LRP1B: variants seen among roughly 807,000 people sequenced by gnomAD.
The protein encoded by LRP1B is low-density lipoprotein receptor-related protein 1B.
A neutral mutation model predicts 556.6 loss-of-function variants in LRP1B; 217 were observed. The observed-to-expected ratio is 0.39, with a 90% CI of 0.35 to 0.44. LRP1B has a LOEUF of 0.44. LRP1B is among the 20% of genes least tolerant of loss of function. LRP1B has a pLI of 1.00. For synonymous variants in LRP1B, 2,047 were observed against 1,865.8 expected, an observed-to-expected ratio of 1.10 and a Z score of -2.50; for missense variants, 5,053 against 5,620.8, an observed-to-expected ratio of 0.90 and a Z score of 3.23.
At chr2:141,281,410 C>T (rs1685504044) in intron 3 of LRP1B, among the ~76,000 whole-genome samples, 1 of 151,896 alleles carries the variant, frequency 6.6e-6, no homozygotes, top group South Asian at 2.1e-4. Flanking sequence ...GTAAGAGTTA[C>T]AAGAGAGACA....
At chr2:141,296,046 T>G (rs1686173306) in intron 3 of LRP1B, among the ~76,000 whole-genome samples, 1 of 152,130 alleles carries the variant, frequency 6.6e-6, no homozygotes, top group South Asian at 2.1e-4. Flanking sequence ...AAAACAAGTA[T>G]AAGGTAGTAA....
intron 79 of LRP1B, among the ~76,000 whole-genome samples, chr2:140,331,686 C>CATATATATAT (rs10571873): frequency 5.2e-4 from 75 of 143,066 alleles, no homozygotes; most frequent in Middle Eastern, 3.6e-3. Context: ...TATATATATA[C>CATATATATAT]ATATATATAT....
intron 41 of LRP1B, chr2:140,683,786 T>C: frequency 1.0e-6 from 1 of 964,228 alleles, no homozygotes; most frequent in Non-Finnish European, 1.6e-6. Flanking sequence ...TGGTCAGCTG[T>C]AGCAAAGCCA....
At chr2:140,584,022 T>G in intron 43 of LRP1B, among the ~76,000 whole-genome samples, 1 of 152,126 alleles carries the variant, frequency 6.6e-6, no homozygotes, top group Admixed American at 6.5e-5. Context: ...GTTTAAATAA[T>G]ATTTAAATGG....
At chr2:141,736,841 C>T (rs569995751) in intron 2 of LRP1B, among the ~76,000 whole-genome samples, 118 of 152,044 alleles carry the variant, frequency 7.8e-4, no homozygotes, top group Non-Finnish European at 1.9e-4. Context: ...GGATATCTTG[C>T]AATTATCATA....
chr2:141,746,997 A>T lies in LRP1B; in HGVS notation c.205+63282T>A, dbSNP rs74799112. Among the ~76,000 whole-genome samples the T allele has an allele frequency of 2.7e-5, 4 of 148,982 alleles. No individual in the cohort carries two copies. The South Asian group carries it at 8.6e-4, about 32-fold the overall frequency. ...ATGAGCGTCCTTCATGTTAAAAAAA[A>T]TCTGAAAAGCCAAAGATTTGTAAAA... is the stretch of plus-strand genomic sequence containing the variant. On this transcript the variant is annotated intron_variant, in intron 2 of 90. Transcript: ENST00000389484.
chr2:140,600,767 G>GTTTTTTTTTTTTTTTTTTTTT lies in LRP1B; in HGVS notation c.6989+662_6989+682dup, dbSNP rs61336155. Among the ~76,000 whole-genome samples, 13 of 56,896 alleles carry GTTTTTTTTTTTTTTTTTTTTT rather than the reference G, an allele frequency of 2.3e-4. 1 individual carries two copies. Among genetic ancestry groups the GTTTTTTTTTTTTTTTTTTTTT allele is most frequent in the South Asian group, 4.7e-4 (1 of 2,134 alleles). 37.3% of individuals were successfully genotyped at this position (56,896 alleles called of 152,430 possible). A position where few individuals can be genotyped will look rare whatever the true frequency, so the allele number is the denominator to read the frequency against. ...CCTTACCTGTGCTTTGTTCTTCGGG[G>GTTTTTTTTTTTTTTTTTTTTT]TTTTTTTTTTTTTTTTTTTTTTTTT... On this transcript the variant is annotated intron_variant, in intron 42 of 90. Transcript: ENST00000389484.
At position 141,521,730 on chromosome 2, in the gene LRP1B, T is replaced by A. The variant is rs563372366; in HGVS notation, c.206-41197A>T. Among the ~76,000 whole-genome samples, 212 of 152,108 alleles carry A rather than the reference T, an allele frequency of 1.4e-3. 1 individual carries two copies. The highest frequency in any genetic ancestry group is 2.2e-3 in the Non-Finnish European group (151 of 67,982). ...GTAAGAAAATTAACATTTAGTGAAATAAATTAAGAAAATTAATAATATCTT... is the reference window on the plus strand; with the variant it reads ...GTAAGAAAATTAACATTTAGTGAAAAAAATTAAGAAAATTAATAATATCTT... On this transcript the variant is annotated intron_variant, in intron 2 of 90. Transcript: ENST00000389484.
chr2:141,220,414 G>C (rs1055088224), intron 6 of LRP1B, among the ~76,000 whole-genome samples: 2 of 151,992 alleles, frequency 1.3e-5, no homozygotes, highest in Non-Finnish European at 2.9e-5. Flanking sequence ...GAGAACTATG[G>C]GGTTATGTAA....
At chr2:141,375,986 G>T (rs975316619) in intron 3 of LRP1B, among the ~76,000 whole-genome samples, 9 of 152,098 alleles carry the variant, frequency 5.9e-5, no homozygotes, top group African/African-American at 2.2e-4. Context: ...AGAAGCTGTC[G>T]GGAGAGCAGC....
intron 2 of LRP1B, among the ~76,000 whole-genome samples, chr2:141,580,782 T>A (rs2105279002): frequency 6.6e-6 from 1 of 152,302 alleles, no homozygotes; most frequent in Admixed American, 6.5e-5. Flanking sequence ...ATGAGACATT[T>A]GTTGTTTATA....
rs145897914 is a variant in LRP1B, at chr2:141,006,991, T to C, written c.2381-1534A>G. On this transcript the variant is annotated intron_variant, in intron 14 of 90. Transcript: ENST00000389484. Reference sequence around the variant, plus strand: ...TTTAAAAAGAACTCAACACTAGCAATACAATAGGTAATGTAATTGTAGGGT... The same window carrying C: ...TTTAAAAAGAACTCAACACTAGCAACACAATAGGTAATGTAATTGTAGGGT... Among the ~76,000 whole-genome samples the C allele has an allele frequency of 1.9e-3, 282 of 152,064 alleles. 7 individuals carry two copies. Among genetic ancestry groups the C allele is most frequent in the Admixed American group, 0.015 (221 of 15,216 alleles).
At position 140,952,462 on chromosome 2, in the gene LRP1B, C is replaced by A. The variant is rs79918906; in HGVS notation, c.2888-522G>T. ...AAATCATTTAGGTAAGCCAGTATCACCTAGTTACAAAGAAAAGTATGAAAT... is the reference window on the plus strand; with the variant it reads ...AAATCATTTAGGTAAGCCAGTATCAACTAGTTACAAAGAAAAGTATGAAAT... On this transcript the variant is annotated intron_variant, in intron 18 of 90. Transcript: ENST00000389484. Among the ~76,000 whole-genome samples the A allele has an allele frequency of 1.1e-4, 17 of 151,226 alleles. 1 individual carries two copies. Among genetic ancestry groups the A allele is most frequent in the Middle Eastern group, 6.8e-3 (2 of 294 alleles).
At chr2:141,643,412 T>A (rs1489890051) in intron 2 of LRP1B, among the ~76,000 whole-genome samples, 1 of 152,144 alleles carries the variant, frequency 6.6e-6, no homozygotes, top group Non-Finnish European at 1.5e-5. Flanking sequence ...ATATTTAAGA[T>A]AATGAAGAGT....
intron 2 of LRP1B, among the ~76,000 whole-genome samples, chr2:141,564,220 A>C (rs1559143361): frequency 6.6e-6 from 1 of 152,094 alleles, no homozygotes; most frequent in Non-Finnish European, 1.5e-5. Context: ...GGACTATAAG[A>C]GAGATAATGT....
intron 41 of LRP1B, among the ~76,000 whole-genome samples, chr2:140,693,717 G>A (rs1485829347): frequency 2.7e-5 from 4 of 150,088 alleles, no homozygotes; most frequent in Non-Finnish European, 5.9e-5. Context: ...GGGGTGGGTG[G>A]CGGGGGGGCG....
chr2:141,794,878 G>C (rs1439000902), intron 2 of LRP1B, among the ~76,000 whole-genome samples: 5 of 151,970 alleles, frequency 3.3e-5, no homozygotes, highest in African/African-American at 4.8e-5. Context: ...ATTGCATTTT[G>C]GGACAGGTAC....
intron 1 of LRP1B, among the ~76,000 whole-genome samples, chr2:142,116,974 C>G (rs1377991669): frequency 6.6e-6 from 1 of 152,020 alleles, no homozygotes; most frequent in Admixed American, 6.6e-5. Flanking sequence ...TGCTGTCTTC[C>G]CTTTGCTGTG....
chr2:140,491,256 T>G (rs2105371667), intron 57 of LRP1B, among the ~76,000 whole-genome samples: 1 of 152,266 alleles, frequency 6.6e-6, no homozygotes, highest in African/African-American at 2.4e-5. Context: ...TTAGTTAAAC[T>G]TATGGTTCAG....
Sources: gnomAD v4.1 joint callset for allele counts (sites outside exome capture counted in the v4.1 genomes callset) on GRCh38, gnomAD v4.1.1 for gene constraint, MANE v1.5 for transcripts, NCBI Gene and HGNC (gene_info 2026-07-23, HGNC 2026-07-21) for gene names.